Variants in MTMR7 observed in about 807,000 individuals in gnomAD.
MTMR7 encodes phosphatidylinositol-3-phosphate phosphatase MTMR7.
In MTMR7, 76 loss-of-function variants were observed where a neutral mutation model predicts 81.2. That is an observed-to-expected ratio of 0.94 (90% CI 0.78 to 1.13). The LOEUF (loss-of-function observed/expected upper bound fraction) is 1.13. Among genes scored for constraint, MTMR7 ranks in the 50% most tolerant of loss-of-function variants. MTMR7 has a pLI of 0.00. For missense variants in MTMR7, 1,044 were observed against 820.0 expected, an observed-to-expected ratio of 1.27 and a Z score of -3.34; for synonymous variants, 372 against 289.8, an observed-to-expected ratio of 1.28 and a Z score of -2.88.
intron 7 of MTMR7, among the ~76,000 whole-genome samples, chr8:17,316,611 A>C (rs7840286): frequency 2.0e-5 from 3 of 152,108 alleles, no homozygotes; most frequent in Non-Finnish European, 2.9e-5. Context: ...CGGGTTCCAC[A>C]TCCTTGGAGT....
intron 3 of MTMR7, 107 bp downstream of exon 3, chr8:17,370,930 A>G (rs1275570956): frequency 2.2e-5 from 26 of 1,160,756 alleles, no homozygotes; most frequent in Non-Finnish European, 2.7e-5. Context: ...AGACTGACAC[A>G]TAATCCCTGA....
intron 10 of MTMR7, among the ~76,000 whole-genome samples, chr8:17,309,037 A>C (rs561704654): frequency 1.3e-5 from 2 of 152,330 alleles, no homozygotes; most frequent in East Asian, 3.9e-4. Context: ...GACAATGAAC[A>C]AGCATTCTCT....
rs988583883 is a variant in MTMR7 at position 17,302,266 on chromosome 8, A to C, written c.1508T>G (p.Met503Arg). Reference sequence around the variant, plus strand: ...CATCCCCTTTTCAAAGCGGTTATACATTCCACTCCAAAACCTGGAAAGGAT... The same window carrying C: ...CATCCCCTTTTCAAAGCGGTTATACCTTCCACTCCAAAACCTGGAAAGGAT... ...CNFMYKFWSG[M>R]YNRFEKGMQP... Residue 503 changes from methionine (M) to arginine (R), a missense_variant, in exon 13 of 14, where the codon ATG becomes AGG. By Grantham distance (91) the Met-to-Arg change is moderately conservative. Coordinates refer to ENST00000180173, the MANE Select transcript of MTMR7 (RefSeq NM_004686.5). 6.2e-7 allele frequency: 1 copy of C among 1,613,144 alleles called. No individual in the cohort carries two copies. Among genetic ancestry groups the C allele is most frequent in the African/African-American group, 1.3e-5 (1 of 74,872 alleles).
chr8:17,317,382 G>A (rs1321056634), intron 7 of MTMR7, among the ~76,000 whole-genome samples: 1 of 152,174 alleles, frequency 6.6e-6, no homozygotes, highest in African/African-American at 2.4e-5. Context: ...GAACACCTGA[G>A]TGCATCACGT....
intron 3 of MTMR7, among the ~76,000 whole-genome samples, chr8:17,367,339 A>C (rs1159779355): frequency 2.0e-5 from 3 of 152,198 alleles, no homozygotes; most frequent in Admixed American, 2.0e-4. Flanking sequence ...ATACAAAAAT[A>C]AACAGCAGGA....
chr8:17,336,665 T>C (rs1437011080), intron 6 of MTMR7, among the ~76,000 whole-genome samples: 1 of 152,224 alleles, frequency 6.6e-6, no homozygotes, highest in African/African-American at 2.4e-5. Context: ...GCAAAGTCTC[T>C]GGAGAAGGAG....
At chr8:17,302,371 G>T in intron 12 of MTMR7, 91 bp from the exon 13 acceptor site, 1 of 1,357,160 alleles carries the variant, frequency 7.4e-7, no homozygotes, top group Non-Finnish European at 9.8e-7. Context: ...TGATACCACA[G>T]TCTTAATAAT....
intron 4 of MTMR7, among the ~76,000 whole-genome samples, chr8:17,360,591 G>C (rs1281059250): frequency 6.6e-6 from 1 of 151,852 alleles, no homozygotes; most frequent in African/African-American, 2.4e-5. Flanking sequence ...TGTCATTAAG[G>C]AGAAGATGGG....
At chr8:17,371,584 C>T (rs1041121779) in intron 2 of MTMR7, among the ~76,000 whole-genome samples, 1 of 152,122 alleles carries the variant, frequency 6.6e-6, no homozygotes, top group African/African-American at 2.4e-5. Context: ...TTAGAGATGG[C>T]TCCGCTGGGA....
At chr8:17,336,462 T>G (rs928295000) in intron 6 of MTMR7, among the ~76,000 whole-genome samples, 4 of 152,062 alleles carry the variant, frequency 2.6e-5, no homozygotes. Flanking sequence ...CCAGCAAGTG[T>G]GAGACCCCCG....
Position 17,385,277 on chromosome 8 carries a change from C to G in MTMR7, c.25-12037G>C, listed in dbSNP as rs373234258. Among the ~76,000 whole-genome samples, 36 of 152,094 alleles carry G rather than the reference C, an allele frequency of 2.4e-4. 2 individuals carry two copies. Among genetic ancestry groups the G allele is most frequent in the African/African-American group, 8.2e-4 (34 of 41,496 alleles). ...TCTCCTGAATGGCTCGGCACCATCCCTCTTGGTACTTGATATGGTTTGGCT... is the reference window on the plus strand; with the variant it reads ...TCTCCTGAATGGCTCGGCACCATCCGTCTTGGTACTTGATATGGTTTGGCT... On this transcript the variant is annotated intron_variant, in intron 1 of 13. Coordinates refer to ENST00000180173, the MANE Select transcript of MTMR7 (RefSeq NM_004686.5).
intron 13 of MTMR7, 55 bp downstream of exon 13, chr8:17,302,099 T>C: frequency 6.2e-7 from 1 of 1,607,750 alleles, no homozygotes. Context: ...TCATGAAGCC[T>C]TGCTCTTCAA....
At chr8:17,338,492 A>G (rs1819315567) in intron 6 of MTMR7, among the ~76,000 whole-genome samples, 1 of 152,150 alleles carries the variant, frequency 6.6e-6, no homozygotes, top group South Asian at 2.1e-4. Flanking sequence ...TCCTTTTCTT[A>G]TCTTGTCTTC....
At chr8:17,386,285 G>A (rs1820940395) in intron 1 of MTMR7, among the ~76,000 whole-genome samples, 1 of 152,176 alleles carries the variant, frequency 6.6e-6, no homozygotes, top group Non-Finnish European at 1.5e-5. Context: ...GGCTAAAGAG[G>A]GCAGATCACT....
At chr8:17,391,523 A>G (rs542481424) in intron 1 of MTMR7, among the ~76,000 whole-genome samples, 12 of 152,326 alleles carry the variant, frequency 7.9e-5, no homozygotes, top group South Asian at 6.2e-4. Flanking sequence ...CTCAAGGAAT[A>G]CTTCCAGAAT....
chr8:17,308,634 T>G (rs949591693), intron 10 of MTMR7, among the ~76,000 whole-genome samples: 5 of 152,162 alleles, frequency 3.3e-5, no homozygotes, highest in East Asian at 3.9e-4. Context: ...CATTTAAGAT[T>G]CAAAGAGTAG....
chr8:17,371,342 G>T, intron 2 of MTMR7, 143 bp from the exon 3 acceptor site: 1 of 830,026 alleles, frequency 1.2e-6, no homozygotes, highest in Non-Finnish European at 1.8e-6. Flanking sequence ...CAGATGACAA[G>T]CACTGAGATG....
chr8:17,343,438 A>AG (rs1819464806), intron 5 of MTMR7, among the ~76,000 whole-genome samples: 1 of 152,100 alleles, frequency 6.6e-6, no homozygotes, highest in Non-Finnish European at 1.5e-5. Context: ...GAAAAAAAAA[A>AG]GAAATATTAG....
At chr8:17,390,098 C>T (rs1585116071) in intron 1 of MTMR7, among the ~76,000 whole-genome samples, 1 of 151,326 alleles carries the variant, frequency 6.6e-6, no homozygotes, top group East Asian at 1.9e-4. Context: ...AGAAATCCCT[C>T]ATGTATTAGC....
Sources: gnomAD v4.1 joint callset for allele counts (sites outside exome capture counted in the v4.1 genomes callset) on GRCh38, gnomAD v4.1.1 for gene constraint, MANE v1.5 for transcripts, NCBI Gene and HGNC (gene_info 2026-07-23, HGNC 2026-07-21) for gene names.